ITLN1: variants seen among roughly 807,000 people sequenced by gnomAD.
ITLN1 encodes the protein intelectin-1.
Under a neutral mutation model 36.2 loss-of-function variants are expected in ITLN1, and 29 were observed. The observed-to-expected ratio is 0.80, with a 90% CI of 0.60 to 1.09. The LOEUF (loss-of-function observed/expected upper bound fraction) is 1.09, where lower values mean the gene tolerates loss of function less well. Ranked by LOEUF, ITLN1 falls within the 50% of genes least tolerant of loss-of-function variation. ITLN1 has a pLI of 0.00. For missense variants in ITLN1, 358 were observed against 405.2 expected, an observed-to-expected ratio of 0.88 and a Z score of 1.00; for synonymous variants, 143 against 146.5, an observed-to-expected ratio of 0.98 and a Z score of 0.17.
intron 2 of ITLN1, among the ~76,000 whole-genome samples, chr1:160,883,866 T>C (rs1273076018): frequency 6.6e-6 from 1 of 152,142 alleles, no homozygotes; most frequent in Non-Finnish European, 1.5e-5. Flanking sequence ...AGGGAATTGC[T>C]AACAAGTCAA....
chr1:160,883,387 G>A (rs1435576614), intron 3 of ITLN1, 41 bp downstream of exon 3: 2 of 1,375,094 alleles, frequency 1.5e-6, no homozygotes, highest in East Asian at 2.3e-5. Context: ...ACACAATCCT[G>A]ATACCCTGAC....
rs369179288 is a variant in ITLN1, at chr1:160,884,678, G to A, written c.58+142C>T. 2.4e-5 allele frequency: 15 copies of A among 636,124 alleles called. 1 individual carries two copies. The highest frequency in any genetic ancestry group is 1.0e-4 in the South Asian group (5 of 49,666). 39.4% of individuals were successfully genotyped at this position (636,124 alleles called of 1,614,324 possible). A position where few individuals can be genotyped will look rare whatever the true frequency, so the allele number is the denominator to read the frequency against. On this transcript the variant is annotated intron_variant, in intron 2 of 7. Transcript: ENST00000326245. Reference sequence around the variant, plus strand: ...CCTTCACTGCCACAGGCCAGATTCCGCCAGAGACCAGAAATCGGCACTCAG... The same window carrying A: ...CCTTCACTGCCACAGGCCAGATTCCACCAGAGACCAGAAATCGGCACTCAG...
intron 2 of ITLN1, 36 bp from the exon 3 acceptor site, chr1:160,883,562 T>A: frequency 6.8e-7 from 1 of 1,460,956 alleles, no homozygotes; most frequent in Non-Finnish European, 9.6e-7. Context: ...CATTCCCGGT[T>A]TGACACAAAA....
Position 160,883,634 on chromosome 1 carries a change from C to T in ITLN1, c.59-108G>A, listed in dbSNP as rs75375000. On this transcript the variant is annotated intron_variant, in intron 2 of 7. Coordinates refer to ENST00000326245, the MANE Select transcript of ITLN1 (RefSeq NM_017625.3). Reference sequence around the variant, plus strand: ...ACCACTGTAGCAGAACCTCGCTGCCCGGGTGGTAAGGCCTGAGACAGCCAG... The same window carrying T: ...ACCACTGTAGCAGAACCTCGCTGCCTGGGTGGTAAGGCCTGAGACAGCCAG... The T allele has an allele frequency of 5.8e-3, 4,320 of 740,474 alleles. 115 individuals carry two copies. Among genetic ancestry groups the T allele is most frequent in the African/African-American group, 0.047 (2,724 of 57,402 alleles). 45.9% of individuals were successfully genotyped at this position (740,474 alleles called of 1,614,324 possible). A position where few individuals can be genotyped will look rare whatever the true frequency, so the allele number is the denominator to read the frequency against.
chr1:160,880,753 T>C, intron 5 of ITLN1, 45 bp from the exon 6 acceptor site: 1 of 1,606,186 alleles, frequency 6.2e-7, no homozygotes, highest in Non-Finnish European at 8.5e-7. Flanking sequence ...ACAATAGCTT[T>C]GCCATTACCA....
chr1:160,877,317 C>T (rs900777135), intron 7 of ITLN1, among the ~76,000 whole-genome samples: 3 of 152,064 alleles, frequency 2.0e-5, no homozygotes, highest in African/African-American at 4.8e-5. Context: ...TCTGAATATT[C>T]ATGCTCAGAG....
At chr1:160,881,339 A>G in intron 4 of ITLN1, 27 bp from the exon 5 acceptor site, 5 of 1,551,374 alleles carry the variant, frequency 3.2e-6, no homozygotes, top group Non-Finnish European at 4.4e-6. Flanking sequence ...ACTGAGCCTG[A>G]CTGGGCCAGG....
intron 7 of ITLN1, among the ~76,000 whole-genome samples, chr1:160,878,167 T>TC (rs1670620919): frequency 6.6e-6 from 1 of 150,542 alleles, no homozygotes; most frequent in African/African-American, 2.5e-5. Flanking sequence ...AAACTCTGTC[T>TC]CAAAAAAAAA....
At chr1:160,883,558 C>T (rs749968328) in intron 2 of ITLN1, 32 bp from the exon 3 acceptor site, 8 of 1,467,020 alleles carry the variant, frequency 5.5e-6, no homozygotes, top group South Asian at 4.5e-5. Flanking sequence ...TTCTCATTCC[C>T]GGTTTGACAC....
At chr1:160,880,783 C>A in intron 5 of ITLN1, 75 bp from the exon 6 acceptor site, 1 of 1,499,360 alleles carries the variant, frequency 6.7e-7, no homozygotes, top group Non-Finnish European at 9.2e-7. Flanking sequence ...GGGATGCTGC[C>A]ATTCATAGAG....
intron 4 of ITLN1, chr1:160,881,636 C>G (rs540685252): frequency 3.1e-4 from 155 of 498,120 alleles, no homozygotes; most frequent in African/African-American, 2.8e-3. Context: ...TGGTGAAACC[C>G]CATCTCTACT....
intron 7 of ITLN1, among the ~76,000 whole-genome samples, chr1:160,877,837 A>G (rs545048524): frequency 1.3e-5 from 2 of 152,330 alleles, no homozygotes; most frequent in South Asian, 4.1e-4. Context: ...CGTCCTCATG[A>G]TAGTGAGTGA....
At chr1:160,884,942 C>T (rs1670735127) in intron 1 of ITLN1, 59 bp from the exon 2 acceptor site, 1 of 1,103,924 alleles carries the variant, frequency 9.1e-7, no homozygotes, top group Non-Finnish European at 1.4e-6. Flanking sequence ...ACATCCCTGC[C>T]CCACCCCTGT....
intron 7 of ITLN1, 88 bp from the exon 8 acceptor site, chr1:160,876,904 T>C: frequency 7.3e-7 from 1 of 1,376,008 alleles, no homozygotes; most frequent in East Asian, 2.3e-5. Flanking sequence ...GTGATTTCTT[T>C]GGTCCTCATC....
At chr1:160,878,385 C>CTT (rs36015074) in intron 7 of ITLN1, among the ~76,000 whole-genome samples, 10,832 of 140,418 alleles carry the variant, frequency 0.077, 1,288 homozygotes, top group African/African-American at 0.26. Context: ...CTTTTTCTTT[C>CTT]TTTTTTTTTT....
chr1:160,879,836 T>C (rs541961504), intron 6 of ITLN1, among the ~76,000 whole-genome samples: 3 of 152,314 alleles, frequency 2.0e-5, no homozygotes, highest in Non-Finnish European at 4.4e-5. Flanking sequence ...TTCTATAATA[T>C]ATGCTCAGCC....
At chr1:160,876,867 C>T (rs1670596225) in intron 7 of ITLN1, 51 bp from the exon 8 acceptor site, 2 of 1,572,384 alleles carry the variant, frequency 1.3e-6, no homozygotes, top group East Asian at 4.5e-5. Flanking sequence ...GCCAGTGAGG[C>T]CAATGCCATC....
At chr1:160,879,764 T>G (rs985898363) in intron 6 of ITLN1, among the ~76,000 whole-genome samples, 3 of 152,230 alleles carry the variant, frequency 2.0e-5, no homozygotes, top group Non-Finnish European at 4.4e-5. Flanking sequence ...CCTGTTTACA[T>G]TTTTCTTTTC....
chr1:160,884,949 C>G, intron 1 of ITLN1, 66 bp from the exon 2 acceptor site: 1 of 1,030,036 alleles, frequency 9.7e-7, no homozygotes, highest in Non-Finnish European at 1.5e-6. Flanking sequence ...TGCCCCACCC[C>G]TGTCCAGTCT....
Sources: allele counts gnomAD v4.1 joint callset (sites outside exome capture counted in the v4.1 genomes callset), GRCh38; gene constraint gnomAD v4.1.1; transcripts MANE v1.5; gene names NCBI Gene and HGNC (gene_info 2026-07-23, HGNC 2026-07-21).